SETD2: variants seen among roughly 807,000 people sequenced by gnomAD.
SETD2 encodes the protein SET domain containing 2, histone lysine methyltransferase.
A neutral mutation model predicts 242.1 loss-of-function variants in SETD2; 31 were observed. The observed-to-expected ratio is 0.13, with a 90% CI of 0.10 to 0.17. The LOEUF (loss-of-function observed/expected upper bound fraction) is 0.17. Ranked by LOEUF, SETD2 falls within the 10% of genes least tolerant of loss-of-function variation. SETD2 has a pLI of 1.00. For synonymous variants in SETD2, 1,006 were observed against 1,066.5 expected (o/e 0.94, Z 1.11); for missense variants, 2,481 against 3,046.3 (o/e 0.81, Z 4.37).
intron 18 of SETD2, among the ~76,000 whole-genome samples, chr3:47,027,139 T>C (rs2038518061): frequency 6.6e-6 from 1 of 151,812 alleles, no homozygotes; most frequent in African/African-American, 2.4e-5. Flanking sequence ...ATCGAGATCA[T>C]TCTGGCTAAC....
At chr3:47,058,254 C>A (rs2040161313) in intron 14 of SETD2, among the ~76,000 whole-genome samples, 1 of 151,686 alleles carries the variant, frequency 6.6e-6, no homozygotes. Context: ...ACCAGCCTGG[C>A]CAACATTGTG....
intron 12 of SETD2, among the ~76,000 whole-genome samples, chr3:47,080,458 A>C (rs1294067895): frequency 1.3e-5 from 2 of 152,178 alleles, no homozygotes. Flanking sequence ...AGTTCACAGG[A>C]ACCTTACCTC....
chr3:47,058,764 T>A (rs75433120), intron 14 of SETD2, among the ~76,000 whole-genome samples: 1 of 151,690 alleles, frequency 6.6e-6, no homozygotes, highest in South Asian at 2.1e-4. Flanking sequence ...GAGTTAGGGA[T>A]GTGGAAGGGA....
At chr3:47,150,079 G>C (rs954615926) in intron 1 of SETD2, among the ~76,000 whole-genome samples, 5 of 128,038 alleles carry the variant, frequency 3.9e-5, no homozygotes, top group Non-Finnish European at 7.8e-5. Context: ...TGCCAGGCTG[G>C]AGTGCAGTGG....
intron 1 of SETD2, among the ~76,000 whole-genome samples, chr3:47,130,644 A>G (rs890577256): frequency 1.3e-5 from 2 of 152,204 alleles, no homozygotes; most frequent in Non-Finnish European, 2.9e-5. Flanking sequence ...TAGAAACAAG[A>G]AGTTAAGAGT....
chr3:47,160,425 C>T (rs879018647), intron 1 of SETD2, among the ~76,000 whole-genome samples: 6 of 151,872 alleles, frequency 4.0e-5, no homozygotes, highest in African/African-American at 1.5e-4. Flanking sequence ...CTCAGCCTCC[C>T]GAGTAGCTGG....
intron 3 of SETD2, among the ~76,000 whole-genome samples, chr3:47,118,937 T>C (rs2042967459): frequency 6.6e-6 from 1 of 152,144 alleles, no homozygotes; most frequent in Non-Finnish European, 1.5e-5. Context: ...AATTTATAAC[T>C]AGATATAAAT....
At chr3:47,155,621 G>C (rs546437570) in intron 1 of SETD2, among the ~76,000 whole-genome samples, 1 of 152,196 alleles carries the variant, frequency 6.6e-6, no homozygotes, top group African/African-American at 2.4e-5. Context: ...AGCCTGGGCA[G>C]CATGGCAAAC....
At chr3:47,071,357 C>G (rs1369756626) in intron 12 of SETD2, among the ~76,000 whole-genome samples, 2 of 152,206 alleles carry the variant, frequency 1.3e-5, no homozygotes, top group Non-Finnish European at 2.9e-5. Context: ...GCACCAAGAA[C>G]AGTGTCTGGC....
intron 1 of SETD2, 121 bp downstream of exon 1, chr3:47,163,733 G>C: frequency 1.1e-6 from 1 of 890,598 alleles, no homozygotes. Context: ...CCGACCGCGC[G>C]AGGCCACCGT....
At chr3:47,031,398 G>T (rs1248877713) in intron 18 of SETD2, among the ~76,000 whole-genome samples, 1 of 152,164 alleles carries the variant, frequency 6.6e-6, no homozygotes, top group African/African-American at 2.4e-5. Context: ...GTTCAATTTT[G>T]CTATGCCAAA....
intron 18 of SETD2, among the ~76,000 whole-genome samples, chr3:47,033,644 A>G (rs1230228830): frequency 7.2e-6 from 1 of 138,954 alleles, no homozygotes; most frequent in Non-Finnish European, 1.5e-5. Flanking sequence ...AAGCCCTGTC[A>G]TGGTTTGATT....
At position 47,122,019 on chromosome 3, in the gene SETD2, G is replaced by T. The variant is rs2106666919; in HGVS notation, c.2617C>A (p.Pro873Thr). ...GAAGCAATACCTGAACTCCCAATAGGTTGATATAAATCATCAAAATGATTA... is the reference window on the plus strand; with the variant it reads ...GAAGCAATACCTGAACTCCCAATAGTTTGATATAAATCATCAAAATGATTA... ...SVNHFDDLYQ[P>T]IGSSGIASSL... The change falls in exon 3 of 21, where the codon CCT becomes ACT. Residue 873 changes from proline to threonine, a missense_variant. This residue lies in a region of SETD2 where 1,300 missense variants were observed against 1,259.2 expected (regional missense o/e 1.03). Coordinates refer to ENST00000409792, the MANE Select transcript of SETD2 (RefSeq NM_014159.7). The T allele has an allele frequency of 6.2e-7, 1 of 1,613,814 alleles. No homozygotes were observed. The highest frequency in any genetic ancestry group is 8.5e-7 in the Non-Finnish European group (1 of 1,179,910).
chr3:47,019,701 A>T, intron 19 of SETD2, 59 bp downstream of exon 19: 1 of 1,408,622 alleles, frequency 7.1e-7, no homozygotes, highest in South Asian at 1.2e-5. Flanking sequence ...TAGGACAAGA[A>T]ATGAAAGGGT....
chr3:47,094,558 ATTCTGTGATTCTGC>A (rs1268922497), intron 9 of SETD2, among the ~76,000 whole-genome samples: 20 of 152,240 alleles, frequency 1.3e-4, no homozygotes, highest in South Asian at 6.2e-4. Flanking sequence ...AAACAGTTGA[ATTCTGTGATTCTGC>A]TTCTGTGATT....
At chr3:47,102,421 C>G (rs1349867270) in intron 7 of SETD2, among the ~76,000 whole-genome samples, 5 of 152,318 alleles carry the variant, frequency 3.3e-5, no homozygotes, top group Middle Eastern at 3.4e-3. Context: ...TATCCAGACT[C>G]AAAAGTGCTA....
At chr3:47,151,827 CAAAAAAAAA>C (rs11360089) in intron 1 of SETD2, among the ~76,000 whole-genome samples, 2 of 99,920 alleles carry the variant, frequency 2.0e-5, no homozygotes, top group African/African-American at 7.7e-5. Context: ...ACTCTTGTCT[CAAAAAAAAA>C]AAAAAAAAAA....
chr3:47,065,112 C>T (rs1424884940), intron 13 of SETD2, among the ~76,000 whole-genome samples: 1 of 152,072 alleles, frequency 6.6e-6, no homozygotes, highest in Non-Finnish European at 1.5e-5. Flanking sequence ...CTCAGTGATC[C>T]CAGAAAGCTA....
At chr3:47,087,442 A>G (rs1464657893) in intron 10 of SETD2, among the ~76,000 whole-genome samples, 1 of 152,168 alleles carries the variant, frequency 6.6e-6, no homozygotes, top group Non-Finnish European at 1.5e-5. Context: ...GCAGTTCACA[A>G]TAGGGTTCGT....
Sources: gnomAD v4.1 joint callset for allele counts (sites outside exome capture counted in the v4.1 genomes callset) on GRCh38, gnomAD v4.1.1 for gene constraint, gnomAD v4.1.1 regional missense constraint, MANE v1.5 for transcripts, NCBI Gene and HGNC (gene_info 2026-07-23, HGNC 2026-07-21) for gene names.